Variants in SYT16 observed in about 807,000 individuals in gnomAD.
SYT16 encodes synaptotagmin 16.
A neutral mutation model predicts 61.4 loss-of-function variants in SYT16; 42 were observed. The ratio of observed to expected loss-of-function variants is 0.68; its 90% confidence interval spans 0.53 to 0.89. The LOEUF (loss-of-function observed/expected upper bound fraction) is 0.89, where lower values mean the gene tolerates loss of function less well. Among genes scored for constraint, SYT16 ranks in the 40% least tolerant of loss-of-function variants. The pLI, the probability that SYT16 is intolerant of heterozygous loss-of-function variation, is 0.00. For missense variants in SYT16, 804 were observed against 807.3 expected, an observed-to-expected ratio of 1.00 and a Z score of 0.05; for synonymous variants, 314 against 302.3, an observed-to-expected ratio of 1.04 and a Z score of -0.40.
chr14:61,971,976 A>G lies in SYT16; in HGVS notation c.-145+1665A>G, dbSNP rs760783271. ...TGGTATGAAGGTAGGATTCATCATG[A>G]TTCTATTTCTCTCCCTTCAGCAGCT... On this transcript the variant is annotated intron_variant, in intron 2 of 7. Coordinates refer to ENST00000683842, the MANE Select transcript of SYT16 (RefSeq NM_001367656.1). Among the ~76,000 whole-genome samples, 4 of 152,178 alleles carry G rather than the reference A, an allele frequency of 2.6e-5. No homozygotes were observed. In the South Asian group the frequency reaches 8.3e-4, roughly 32 times the overall value.
intron 1 of SYT16, among the ~76,000 whole-genome samples, chr14:61,841,155 A>G (rs374295528): frequency 6.6e-6 from 1 of 152,342 alleles, no homozygotes; most frequent in South Asian, 2.1e-4. Flanking sequence ...AGGTAACCCA[A>G]GGTCTCTTAG....
At position 62,103,936 on chromosome 14, in the gene SYT16, C is replaced by G. The variant is rs1595422348; in HGVS notation, c.*3229C>G. 6.6e-6 allele frequency: 1 copy of G among 152,188 alleles called. No homozygotes were observed. Among genetic ancestry groups the G allele is most frequent in the African/African-American group, 2.4e-5 (1 of 41,452 alleles). 9.4% of individuals were successfully genotyped at this position (152,188 alleles called of 1,614,324 possible). A position where few individuals can be genotyped will look rare whatever the true frequency, so the allele number is the denominator to read the frequency against. ...TCAATATTCTCCATAGTCCTAGGTG[C>G]CAGTGAGCCTGAAACACAGCTTCTG... On this transcript the variant is annotated 3_prime_UTR_variant, in exon 8 of 8. Coordinates refer to ENST00000683842, the MANE Select transcript of SYT16 (RefSeq NM_001367656.1).
chr14:61,892,799 G>T (rs2048183742), intron 1 of SYT16, among the ~76,000 whole-genome samples: 1 of 152,178 alleles, frequency 6.6e-6, no homozygotes, highest in Non-Finnish European at 1.5e-5. Flanking sequence ...TAGATACCGG[G>T]CCGGCAAGAA....
chr14:61,967,619 C>CT (rs1001100514), intron 1 of SYT16, among the ~76,000 whole-genome samples: 10 of 152,074 alleles, frequency 6.6e-5, no homozygotes, highest in Non-Finnish European at 4.4e-5. Flanking sequence ...TCCATGCCTT[C>CT]TTTTTTTGCT....
At chr14:61,857,451 T>C (rs1269207816) in intron 1 of SYT16, among the ~76,000 whole-genome samples, 1 of 152,220 alleles carries the variant, frequency 6.6e-6, no homozygotes, top group Non-Finnish European at 1.5e-5. Context: ...AGAAAGTGTC[T>C]ACTTCGAAGA....
chr14:61,972,197 A>G (rs2140530876), intron 2 of SYT16, among the ~76,000 whole-genome samples: 1 of 152,356 alleles, frequency 6.6e-6, no homozygotes, highest in South Asian at 2.1e-4. Flanking sequence ...GCTGCGAGGA[A>G]TGACATCACA....
At chr14:61,960,741 G>A (rs1261340476) in intron 1 of SYT16, among the ~76,000 whole-genome samples, 3 of 152,082 alleles carry the variant, frequency 2.0e-5, no homozygotes, top group Non-Finnish European at 2.9e-5. Flanking sequence ...ACTATGTTGA[G>A]TAGGAGTGAT....
chr14:61,846,510 A>G (rs1344292228), intron 1 of SYT16, among the ~76,000 whole-genome samples: 1 of 152,094 alleles, frequency 6.6e-6, no homozygotes, highest in Non-Finnish European at 1.5e-5. Context: ...TTGGCATGGA[A>G]TATCTTTTTC....
chr14:62,101,449 G>C lies in SYT16; in HGVS notation c.*742G>C, dbSNP rs2057416996. The C allele has an allele frequency of 6.6e-6, 1 of 152,108 alleles. No individual in the cohort carries two copies. The highest frequency in any genetic ancestry group is 6.5e-5 in the Admixed American group (1 of 15,270). The allele number at this position is 152,108 out of a possible 1,614,324, so 9.4% of individuals were successfully genotyped here. On this transcript the variant is annotated 3_prime_UTR_variant, in exon 8 of 8. Coordinates refer to ENST00000683842, the MANE Select transcript of SYT16 (RefSeq NM_001367656.1). ...TTGTGACTTTCAAGGTTTTTATGCTGTCTTTCTCACCCAATAAGTTCTTAC... is the reference window on the plus strand; with the variant it reads ...TTGTGACTTTCAAGGTTTTTATGCTCTCTTTCTCACCCAATAAGTTCTTAC...
At chr14:62,088,206 C>G (rs1267725248) in intron 7 of SYT16, among the ~76,000 whole-genome samples, 1 of 152,116 alleles carries the variant, frequency 6.6e-6, no homozygotes, top group African/African-American at 2.4e-5. Flanking sequence ...ACAGTCCTCA[C>G]GCCCATCTAG....
intron 1 of SYT16, among the ~76,000 whole-genome samples, chr14:61,908,120 G>A (rs1040592223): frequency 1.3e-5 from 2 of 152,220 alleles, no homozygotes; most frequent in Non-Finnish European, 2.9e-5. Flanking sequence ...GCCTTTAAAG[G>A]CTGCTGTTTA....
Position 61,896,262 on chromosome 14 carries a change from T to TTCC in SYT16, c.-324-73868_-324-73866dup, listed in dbSNP as rs551376883. On this transcript the variant is annotated intron_variant, in intron 1 of 7. Transcript: ENST00000683842. ...TGGGGACCAAGCTGGACTAGAGGTC[T>TTCC]TCCTGCAAGGTGTACAGGTCCCCTG... Among the ~76,000 whole-genome samples, 402 of 152,306 alleles carry TTCC rather than the reference T, an allele frequency of 2.6e-3. 1 individual carries two copies. The highest frequency in any genetic ancestry group is 4.1e-3 in the South Asian group (20 of 4,830).
At chr14:61,938,072 C>G (rs2050060021) in intron 1 of SYT16, among the ~76,000 whole-genome samples, 1 of 142,570 alleles carries the variant, frequency 7.0e-6, no homozygotes, top group Non-Finnish European at 1.5e-5. Context: ...GTGTTTCAGA[C>G]AGGAAACTTG....
Position 62,025,644 on chromosome 14 carries a change from G to A in SYT16, c.523+29102G>A, listed in dbSNP as rs541059928. 2.6e-5 allele frequency among the ~76,000 whole-genome samples: 4 copies of A among 152,140 alleles called. No homozygotes were observed. In the South Asian group the frequency reaches 8.3e-4, roughly 32 times the overall value. ...TTATTTCATGGATTGTGCCTTTGGT[G>A]AAATGTTTATTTTTTTCATAATTTT... On this transcript the variant is annotated intron_variant, in intron 3 of 7. Coordinates refer to ENST00000683842, the MANE Select transcript of SYT16 (RefSeq NM_001367656.1).
chr14:61,814,376 T>A (rs1173016497), intron 1 of SYT16, among the ~76,000 whole-genome samples: 1 of 152,190 alleles, frequency 6.6e-6, no homozygotes, highest in Admixed American at 6.5e-5. Flanking sequence ...ATTGTGTTAT[T>A]AATGAAAAAC....
intron 3 of SYT16, among the ~76,000 whole-genome samples, chr14:62,003,436 C>T (rs923991972): frequency 2.0e-5 from 3 of 151,666 alleles, no homozygotes; most frequent in African/African-American, 7.3e-5. Context: ...TAATTCTTAC[C>T]AGCTTGTATG....
intron 2 of SYT16, among the ~76,000 whole-genome samples, chr14:61,993,074 G>A (rs536850003): frequency 6.6e-6 from 1 of 152,130 alleles, no homozygotes; most frequent in East Asian, 1.9e-4. Flanking sequence ...GGGATATGAG[G>A]CCAAGAATAT....
chr14:61,954,483 G>A (rs2050794512), intron 1 of SYT16, among the ~76,000 whole-genome samples: 1 of 152,008 alleles, frequency 6.6e-6, no homozygotes, highest in Non-Finnish European at 1.5e-5. Context: ...CAGACATACA[G>A]TTAACTTTGA....
chr14:62,007,946 C>G (rs1048867166), intron 3 of SYT16, among the ~76,000 whole-genome samples: 3 of 151,702 alleles, frequency 2.0e-5, no homozygotes, highest in African/African-American at 7.3e-5. Flanking sequence ...TTTCCTTGCC[C>G]TATAAAAAGT....
Sources: gnomAD v4.1 joint callset for allele counts (sites outside exome capture counted in the v4.1 genomes callset) on GRCh38, gnomAD v4.1.1 for gene constraint, MANE v1.5 for transcripts, NCBI Gene and HGNC (gene_info 2026-07-23, HGNC 2026-07-21) for gene names.